The following SLX4IP variants were observed in gnomAD, a reference collection of about 807,000 sequenced individuals.
SLX4IP encodes the protein protein SLX4IP.
A neutral mutation model predicts 32.9 loss-of-function variants in SLX4IP; 34 were observed. The observed-to-expected ratio is 1.03, with a 90% confidence interval of 0.79 to 1.38. The LOEUF (loss-of-function observed/expected upper bound fraction) is 1.38. Among genes scored for constraint, SLX4IP ranks in the 40% most tolerant of loss-of-function variants. The pLI is 0.00. For synonymous variants in SLX4IP, 172 were observed against 171.7 expected (o/e 1.00, Z -0.01); for missense variants, 444 against 479.0 (o/e 0.93, Z 0.68).
chr20:10,598,410 C>G (rs2066798841), intron 4 of SLX4IP, among the ~76,000 whole-genome samples: 1 of 152,268 alleles, frequency 6.6e-6, no homozygotes, highest in Admixed American at 6.5e-5. Flanking sequence ...ATTACAGGTG[C>G]CCGCCACCTC....
chr20:10,539,668 T>C (rs1415064740), intron 2 of SLX4IP, among the ~76,000 whole-genome samples: 1 of 152,222 alleles, frequency 6.6e-6, no homozygotes, highest in Non-Finnish European at 1.5e-5. Flanking sequence ...AAACAAGGAA[T>C]AATTATTAAA....
chr20:10,531,803 G>T (rs1220443043), intron 2 of SLX4IP, among the ~76,000 whole-genome samples: 1 of 152,208 alleles, frequency 6.6e-6, no homozygotes, highest in Non-Finnish European at 1.5e-5. Context: ...AGCGTCTGGA[G>T]GAAGTGGTTC....
chr20:10,475,145 G>C (rs968518440), intron 2 of SLX4IP, among the ~76,000 whole-genome samples: 1 of 152,206 alleles, frequency 6.6e-6, no homozygotes, highest in Non-Finnish European at 1.5e-5. Context: ...GCATTCTGTG[G>C]AGGGCCAGAG....
intron 2 of SLX4IP, among the ~76,000 whole-genome samples, chr20:10,527,991 G>A (rs1272880324): frequency 1.3e-5 from 2 of 152,100 alleles, no homozygotes; most frequent in African/African-American, 4.8e-5. Flanking sequence ...ACTCCTGGGA[G>A]CGGGTCACAA....
intron 2 of SLX4IP, among the ~76,000 whole-genome samples, chr20:10,477,037 G>A (rs942082645): frequency 2.0e-5 from 3 of 152,134 alleles, no homozygotes; most frequent in South Asian, 2.1e-4. Flanking sequence ...AATATTATTC[G>A]AAGTTTAAGA....
chr20:10,603,600 A>G (rs2066868646), intron 6 of SLX4IP, among the ~76,000 whole-genome samples: 1 of 152,130 alleles, frequency 6.6e-6, no homozygotes, highest in African/African-American at 2.4e-5. Context: ...AGTTGTGGTC[A>G]GTTTCTGTCT....
intron 4 of SLX4IP, among the ~76,000 whole-genome samples, chr20:10,561,779 A>G (rs189560778): frequency 2.6e-5 from 4 of 152,228 alleles, no homozygotes; most frequent in African/African-American, 9.6e-5. Flanking sequence ...GAGTTACTTC[A>G]CTTAGAATAA....
chr20:10,585,546 CCCTTT>C (rs200922681), intron 4 of SLX4IP, among the ~76,000 whole-genome samples: 57 of 151,852 alleles, frequency 3.8e-4, no homozygotes, highest in South Asian at 6.3e-4. Context: ...TTCCCCTTTC[CCCTTT>C]CCTTTCCTTT....
chr20:10,616,155 C>A (rs1045332625), intron 6 of SLX4IP, among the ~76,000 whole-genome samples: 2 of 152,118 alleles, frequency 1.3e-5, no homozygotes, highest in African/African-American at 4.8e-5. Flanking sequence ...CCAATGACTT[C>A]TCTTTCTCCC....
At chr20:10,455,520 A>G (rs1016612056) in intron 1 of SLX4IP, among the ~76,000 whole-genome samples, 8 of 152,110 alleles carry the variant, frequency 5.3e-5, no homozygotes, top group Non-Finnish European at 8.8e-5. Flanking sequence ...TTGAAAATCA[A>G]TTGAACATAA....
At position 10,450,929 on chromosome 20, in the gene SLX4IP, T is replaced by G. The variant is rs191120366; in HGVS notation, c.-29-7247T>G. Among the ~76,000 whole-genome samples the G allele has an allele frequency of 9.7e-3, 1,476 of 151,820 alleles. 13 individuals carry two copies. The highest frequency in any genetic ancestry group is 0.015 in the Non-Finnish European group (1,008 of 67,944). ...ACTACGCCCGGGTAATTTTTTTGGG[T>G]TTTTAGTAGAGACGGGGTTTCACCG... On this transcript the variant is annotated intron_variant, in intron 1 of 7. Coordinates refer to ENST00000334534, the MANE Select transcript of SLX4IP (RefSeq NM_001009608.3).
intron 2 of SLX4IP, among the ~76,000 whole-genome samples, chr20:10,458,496 T>G (rs2065307240): frequency 6.6e-6 from 1 of 152,268 alleles, no homozygotes. Flanking sequence ...CCATTAGCTA[T>G]TCTTCCTGAT....
intron 6 of SLX4IP, among the ~76,000 whole-genome samples, chr20:10,608,637 G>GCA (rs1016318292): frequency 7.2e-6 from 1 of 138,432 alleles, no homozygotes; most frequent in Non-Finnish European, 1.5e-5. Flanking sequence ...TTGCACCACT[G>GCA]CACTCCAGCC....
intron 6 of SLX4IP, among the ~76,000 whole-genome samples, chr20:10,610,917 A>G (rs540020452): frequency 6.6e-6 from 1 of 152,280 alleles, no homozygotes; most frequent in South Asian, 2.1e-4. Context: ...TTCATTTTAA[A>G]GACAGGTGGC....
At chr20:10,565,979 G>C (rs2066388085) in intron 4 of SLX4IP, among the ~76,000 whole-genome samples, 1 of 152,142 alleles carries the variant, frequency 6.6e-6, no homozygotes, top group African/African-American at 2.4e-5. Flanking sequence ...AAATAAAATA[G>C]TAGGGAAACA....
intron 6 of SLX4IP, among the ~76,000 whole-genome samples, chr20:10,616,588 G>T (rs961577424): frequency 2.0e-5 from 3 of 151,720 alleles, no homozygotes; most frequent in Admixed American, 6.6e-5. Context: ...CTCTTCCCCT[G>T]GTTTACGCTC....
At chr20:10,550,887 C>T (rs2066211837) in intron 2 of SLX4IP, among the ~76,000 whole-genome samples, 1 of 152,220 alleles carries the variant, frequency 6.6e-6, no homozygotes. Flanking sequence ...CCCTCTGGTA[C>T]TTGGGTATGT....
intron 2 of SLX4IP, among the ~76,000 whole-genome samples, chr20:10,538,521 C>A (rs1169979409): frequency 6.6e-6 from 1 of 151,500 alleles, no homozygotes; most frequent in Admixed American, 6.6e-5. Flanking sequence ...ATTGATAAAG[C>A]CCTTCATCTT....
rs1431715668 is a variant in SLX4IP at position 10,588,347 on chromosome 20, GATA to G, written c.239-10323_239-10321del. 2.0e-5 allele frequency among the ~76,000 whole-genome samples: 3 copies of G among 152,248 alleles called. No individual in the cohort carries two copies. The East Asian group carries it at 5.8e-4, about 29-fold the overall frequency. ...TGTTAGAATGGCTGTTATAAAAAGAGATAATAAGTATTGGTGAAGGTGTGGAGA... is the reference window on the plus strand; with the variant it reads ...TGTTAGAATGGCTGTTATAAAAAGAGATAAGTATTGGTGAAGGTGTGGAGA... On this transcript the variant is annotated intron_variant, in intron 4 of 7. Coordinates refer to ENST00000334534, the MANE Select transcript of SLX4IP (RefSeq NM_001009608.3).
Sources: gnomAD v4.1 joint callset for allele counts (sites outside exome capture counted in the v4.1 genomes callset) on GRCh38, gnomAD v4.1.1 for gene constraint, MANE v1.5 for transcripts, NCBI Gene and HGNC (gene_info 2026-07-23, HGNC 2026-07-21) for gene names.